DAB2IP: variants seen among roughly 807,000 people sequenced by gnomAD.
DAB2IP encodes DAB2 interacting protein, also known as disabled homolog 2-interacting protein.
DAB2IP carries 28 observed loss-of-function variants against 107.2 expected under a neutral mutation model. The ratio of observed to expected loss-of-function variants is 0.26; its 90% CI spans 0.19 to 0.36. The LOEUF is 0.36. Among genes scored for constraint, DAB2IP ranks in the 10% least tolerant of loss-of-function variants. DAB2IP has a pLI of 1.00. For missense variants in DAB2IP, 1,400 were observed against 1,644.7 expected (o/e 0.85, Z 2.57); for synonymous variants, 755 against 706.4 (o/e 1.07, Z -1.09).
rs147958077 is a variant in DAB2IP, at chr9:121,779,381, C to T, written c.3315-2083C>T. On this transcript the variant is annotated intron_variant, in intron 14 of 15. Coordinates refer to ENST00000408936, the Ensembl canonical transcript of DAB2IP. Reference sequence around the variant, plus strand: ...AGTCTGTTTTTACTGATTTATTTTCCGCCTGCTTATGAGTTTTCCTACTTC... The same window carrying T: ...AGTCTGTTTTTACTGATTTATTTTCTGCCTGCTTATGAGTTTTCCTACTTC... Among the ~76,000 whole-genome samples the T allele has an allele frequency of 5.4e-3, 817 of 152,172 alleles. 8 individuals carry two copies. Among genetic ancestry groups the T allele is most frequent in the African/African-American group, 0.019 (775 of 41,490 alleles).
chr9:121,694,686 C>G (rs1829332429), intron 2 of DAB2IP, among the ~76,000 whole-genome samples: 1 of 152,020 alleles, frequency 6.6e-6, no homozygotes, highest in Admixed American at 6.6e-5. Flanking sequence ...TCAAACTGCC[C>G]TGTGCTTTGC....
Position 121,774,310 on chromosome 9 carries a change from C to G in DAB2IP, c.3018C>G (p.Leu1006=), listed in dbSNP as rs144609886. The change falls in exon 13 of 16, where the codon CTC becomes CTG. Residue 1006 remains leucine (L), a synonymous_variant. Transcript: ENST00000408936. Reference sequence around the variant, plus strand: ...CCCTGGACCGCACAGCCGCTTGGCTCTTGACCATGAACGCGCAGTTGTTAG... The same window carrying G: ...CCCTGGACCGCACAGCCGCTTGGCTGTTGACCATGAACGCGCAGTTGTTAG... The G allele has an allele frequency of 8.1e-6, 13 of 1,613,530 alleles. No individual in the cohort carries two copies. In the African/African-American group the frequency reaches 1.3e-4, roughly 17 times the overall value.
exon 12 of DAB2IP, chr9:121,773,492 G>A (rs1456145684): frequency 2.0e-6 from 3 of 1,502,178 alleles, no homozygotes; most frequent in South Asian, 1.4e-5. Context: ...CAGTGCACAA[G>A]CAGGTCAGTG....
intron 1 of DAB2IP, among the ~76,000 whole-genome samples, chr9:121,642,098 T>TTTGACAGGGTC (rs1832376497): frequency 6.9e-6 from 1 of 144,198 alleles, no homozygotes. Context: ...TTTCTTTTTT[T>TTTGACAGGGTC]TTGACAGGGT....
chr9:121,686,209 A>T (rs554289013), intron 2 of DAB2IP, among the ~76,000 whole-genome samples: 4 of 152,304 alleles, frequency 2.6e-5, no homozygotes, highest in Admixed American at 2.6e-4. Flanking sequence ...TGTGCTCAGA[A>T]TGCCCTTGGG....
intron 1 of DAB2IP, among the ~76,000 whole-genome samples, chr9:121,667,005 G>A (rs1270410202): frequency 6.6e-6 from 1 of 151,974 alleles, no homozygotes; most frequent in Admixed American, 6.6e-5. Flanking sequence ...ATGACTTGTT[G>A]CATGGTGTGT....
intron 1 of DAB2IP, among the ~76,000 whole-genome samples, chr9:121,605,265 C>T (rs1176378209): frequency 6.6e-6 from 1 of 152,168 alleles, no homozygotes; most frequent in Non-Finnish European, 1.5e-5. Context: ...AAGTGATCCA[C>T]CCGCCTCAGG....
chr9:121,655,107 G>A (rs1554720129), intron 1 of DAB2IP, among the ~76,000 whole-genome samples: 1 of 151,998 alleles, frequency 6.6e-6, no homozygotes, highest in Non-Finnish European at 1.5e-5. Context: ...AGTGAGACCT[G>A]CTGTGGTGGG....
intron 11 of DAB2IP, among the ~76,000 whole-genome samples, chr9:121,771,395 G>A (rs1282531546): frequency 6.6e-6 from 1 of 152,158 alleles, no homozygotes; most frequent in African/African-American, 2.4e-5. Flanking sequence ...ATGTGAGGCC[G>A]CAGCTGTAGC....
chr9:121,693,366 G>A (rs887195467), intron 2 of DAB2IP, among the ~76,000 whole-genome samples: 1 of 152,098 alleles, frequency 6.6e-6, no homozygotes, highest in African/African-American at 2.4e-5. Flanking sequence ...GTGTCAGGTC[G>A]GCCTGCCAGC....
intron 3 of DAB2IP, among the ~76,000 whole-genome samples, chr9:121,720,211 G>A (rs917973469): frequency 6.6e-6 from 1 of 152,136 alleles, no homozygotes; most frequent in East Asian, 1.9e-4. Flanking sequence ...TTACTTCCTT[G>A]CAGTTCTCAG....
At chr9:121,627,580 C>T (rs751853585) in intron 1 of DAB2IP, among the ~76,000 whole-genome samples, 14 of 152,114 alleles carry the variant, frequency 9.2e-5, no homozygotes, top group Non-Finnish European at 2.1e-4. Context: ...GTGTACTCTC[C>T]TGGCAGCAGG....
At chr9:121,779,633 G>T (rs958779555) in intron 14 of DAB2IP, among the ~76,000 whole-genome samples, 1 of 152,228 alleles carries the variant, frequency 6.6e-6, no homozygotes, top group Non-Finnish European at 1.5e-5. Flanking sequence ...GCTCTGAGGG[G>T]GTTTCCTTCC....
chr9:121,624,926 G>T (rs1831590482), intron 1 of DAB2IP, among the ~76,000 whole-genome samples: 1 of 152,222 alleles, frequency 6.6e-6, no homozygotes, highest in Admixed American at 6.5e-5. Context: ...TGGGGATTTA[G>T]GGGGCTGCGA....
intron 1 of DAB2IP, among the ~76,000 whole-genome samples, chr9:121,573,052 C>T (rs1218020682): frequency 6.6e-6 from 1 of 152,130 alleles, no homozygotes; most frequent in African/African-American, 2.4e-5. Context: ...GACACTTTAT[C>T]TACACTGTCT....
intron 1 of DAB2IP, among the ~76,000 whole-genome samples, chr9:121,655,443 G>A (rs1462925343): frequency 6.6e-6 from 1 of 152,212 alleles, no homozygotes; most frequent in Non-Finnish European, 1.5e-5. Context: ...CACCTACTAT[G>A]TGCTGGGCTT....
At chr9:121,667,259 A>C (rs909971465) in intron 1 of DAB2IP, among the ~76,000 whole-genome samples, 4 of 151,970 alleles carry the variant, frequency 2.6e-5, no homozygotes, top group Admixed American at 6.6e-5. Context: ...TGATCCACCC[A>C]CCTTGGCCTC....
chr9:121,583,797 C>T (rs1330497932), intron 1 of DAB2IP, among the ~76,000 whole-genome samples: 3 of 152,316 alleles, frequency 2.0e-5, no homozygotes, highest in East Asian at 1.9e-4. Context: ...CCGTTGTGTC[C>T]AAGGAGAAGC....
intron 3 of DAB2IP, among the ~76,000 whole-genome samples, chr9:121,718,467 C>A (rs1830735913): frequency 6.6e-6 from 1 of 152,166 alleles, no homozygotes; most frequent in Non-Finnish European, 1.5e-5. Flanking sequence ...GAGGTCTTAA[C>A]AAGTCCCTCG....
Sources: allele counts gnomAD v4.1 joint callset (sites outside exome capture counted in the v4.1 genomes callset), GRCh38; gene constraint gnomAD v4.1.1; transcripts MANE v1.5; gene names NCBI Gene and HGNC (gene_info 2026-07-23, HGNC 2026-07-21).